Variants in GALNT17 observed in about 807,000 individuals in gnomAD.
GALNT17 encodes UDP-GalNAc:polypeptide N-acetylgalactosaminyltransferase-like 3.
In GALNT17, 29 loss-of-function variants were observed where a neutral mutation model predicts 63.7. That is an observed-to-expected ratio of 0.46 (90% CI 0.34 to 0.62). The LOEUF is 0.62. Among genes scored for constraint, GALNT17 ranks in the 20% least tolerant of loss-of-function variants. The pLI is 0.01. For missense variants in GALNT17, 603 were observed against 799.6 expected (o/e 0.75, Z 2.97); for synonymous variants, 305 against 318.3 (o/e 0.96, Z 0.45).
At chr7:71,287,164 A>C (rs1247691020) in intron 1 of GALNT17, among the ~76,000 whole-genome samples, 1 of 152,050 alleles carries the variant, frequency 6.6e-6, no homozygotes, top group Non-Finnish European at 1.5e-5. Flanking sequence ...ATCAGGCTTC[A>C]CTGCATCCTC....
intron 1 of GALNT17, among the ~76,000 whole-genome samples, chr7:71,199,231 A>G (rs1460664462): frequency 6.6e-6 from 1 of 152,124 alleles, no homozygotes; most frequent in Non-Finnish European, 1.5e-5. Flanking sequence ...TCTTTGAAAG[A>G]TCTCGCAAAT....
chr7:71,490,463 G>A (rs1267256060), intron 5 of GALNT17, among the ~76,000 whole-genome samples: 1 of 152,026 alleles, frequency 6.6e-6, no homozygotes, highest in Admixed American at 6.6e-5. Context: ...GTGCATGGTG[G>A]GGACACACAC....
intron 4 of GALNT17, among the ~76,000 whole-genome samples, chr7:71,417,223 A>C (rs531024063): frequency 2.0e-5 from 3 of 152,328 alleles, no homozygotes; most frequent in Non-Finnish European, 4.4e-5. Context: ...TTAACATTAA[A>C]ATGTCTGTTC....
intron 2 of GALNT17, among the ~76,000 whole-genome samples, chr7:71,367,598 C>T (rs60201646): frequency 0.028 from 4,301 of 152,184 alleles, 228 homozygotes; most frequent in African/African-American, 0.098. Flanking sequence ...CTGAGGCCAC[C>T]GGGAAATTGA....
At chr7:71,156,956 G>A (rs949425283) in intron 1 of GALNT17, among the ~76,000 whole-genome samples, 2 of 150,964 alleles carry the variant, frequency 1.3e-5, no homozygotes, top group Non-Finnish European at 2.9e-5. Flanking sequence ...TATTTATTTT[G>A]TTTATTTATT....
At chr7:71,190,831 G>A (rs1487674494) in intron 1 of GALNT17, among the ~76,000 whole-genome samples, 2 of 151,750 alleles carry the variant, frequency 1.3e-5, no homozygotes, top group Non-Finnish European at 1.5e-5. Context: ...AGGGTTCACC[G>A]TGTTGCCCAG....
intron 1 of GALNT17, among the ~76,000 whole-genome samples, chr7:71,266,979 A>G (rs562893722): frequency 6.6e-6 from 1 of 152,330 alleles, no homozygotes; most frequent in South Asian, 2.1e-4. Flanking sequence ...ATTAACCAGG[A>G]GAAAGTGTGC....
intron 1 of GALNT17, among the ~76,000 whole-genome samples, chr7:71,169,149 T>C (rs1284428631): frequency 6.6e-6 from 1 of 152,186 alleles, no homozygotes; most frequent in South Asian, 2.1e-4. Context: ...TCTGTGCAGC[T>C]TTCTCCTCCA....
intron 6 of GALNT17, among the ~76,000 whole-genome samples, chr7:71,654,937 T>A (rs1384952218): frequency 2.0e-5 from 3 of 152,036 alleles, no homozygotes; most frequent in African/African-American, 4.8e-5. Context: ...TACAGGCACC[T>A]GCCGCCACGC....
At chr7:71,559,147 T>C (rs1392495195) in intron 5 of GALNT17, among the ~76,000 whole-genome samples, 31 of 152,194 alleles carry the variant, frequency 2.0e-4, no homozygotes, top group Non-Finnish European at 4.6e-4. Flanking sequence ...CAGTGTTTGA[T>C]TGTTTTAAAA....
At position 71,661,681 on chromosome 7, in the gene GALNT17, C is replaced by A. The variant is rs1447559353; in HGVS notation, c.1081-3730C>A. Among the ~76,000 whole-genome samples the A allele has an allele frequency of 2.0e-5, 3 of 152,204 alleles. No homozygotes were observed. In the East Asian group the frequency reaches 5.8e-4, roughly 29 times the overall value. ...CAGCAGCAGGATTCCAGGGCAGGCA[C>A]TGACCCTGGCAGTTCACCCTGGGCT... On this transcript the variant is annotated intron_variant, in intron 6 of 10. Coordinates refer to ENST00000333538, the MANE Select transcript of GALNT17 (RefSeq NM_022479.3).
At position 71,282,713 on chromosome 7, in the gene GALNT17, A is replaced by G. The variant is rs375235332; in HGVS notation, c.239-52837A>G. On this transcript the variant is annotated intron_variant, in intron 1 of 10. Coordinates refer to ENST00000333538, the MANE Select transcript of GALNT17 (RefSeq NM_022479.3). ...TCAAGGGAGGGCTGTGGGTGGGGGGATGTCTGCTTCTATGGGGAGGGTCAG... is the reference window on the plus strand; with the variant it reads ...TCAAGGGAGGGCTGTGGGTGGGGGGGTGTCTGCTTCTATGGGGAGGGTCAG... Among the ~76,000 whole-genome samples the G allele has an allele frequency of 8.7e-3, 1,309 of 149,604 alleles. 17 individuals carry two copies. Among genetic ancestry groups the G allele is most frequent in the African/African-American group, 0.031 (1,236 of 40,462 alleles).
At chr7:71,487,038 C>T (rs1045819560) in intron 5 of GALNT17, among the ~76,000 whole-genome samples, 4 of 152,170 alleles carry the variant, frequency 2.6e-5, no homozygotes, top group African/African-American at 9.7e-5. Context: ...GTGTGGGACA[C>T]GAAGCTTCAG....
At chr7:71,350,236 G>A (rs988647410) in intron 2 of GALNT17, among the ~76,000 whole-genome samples, 3 of 152,198 alleles carry the variant, frequency 2.0e-5, no homozygotes, top group Non-Finnish European at 4.4e-5. Flanking sequence ...TAACAGATGT[G>A]TATGACACAG....
At chr7:71,642,312 T>C (rs1450861748) in intron 6 of GALNT17, among the ~76,000 whole-genome samples, 1 of 152,054 alleles carries the variant, frequency 6.6e-6, no homozygotes, top group Non-Finnish European at 1.5e-5. Context: ...TGAAATAAAA[T>C]AATGCATAAA....
chr7:71,240,670 T>TTC (rs879346427), intron 1 of GALNT17, among the ~76,000 whole-genome samples: 10,448 of 149,684 alleles, frequency 0.07, 617 homozygotes, highest in East Asian at 0.23. Flanking sequence ...CTTTTTTCTT[T>TTC]TTTTCCTTTT....
chr7:71,702,106 C>A (rs1791660065), intron 9 of GALNT17, among the ~76,000 whole-genome samples: 1 of 151,446 alleles, frequency 6.6e-6, no homozygotes, highest in Admixed American at 6.6e-5. Flanking sequence ...GAAATGGAAA[C>A]AATAGACACT....
chr7:71,357,660 A>G (rs1792312053), intron 2 of GALNT17, among the ~76,000 whole-genome samples: 1 of 152,138 alleles, frequency 6.6e-6, no homozygotes, highest in Non-Finnish European at 1.5e-5. Flanking sequence ...TAATTCTAGC[A>G]CTTTGGGAGG....
At chr7:71,136,880 C>T (rs545181985) in intron 1 of GALNT17, among the ~76,000 whole-genome samples, 16 of 151,922 alleles carry the variant, frequency 1.1e-4, no homozygotes, top group African/African-American at 2.9e-4. Context: ...TCTACTTCCC[C>T]GGCTCAAGTG....
Sources: allele counts gnomAD v4.1 joint callset (sites outside exome capture counted in the v4.1 genomes callset), GRCh38; gene constraint gnomAD v4.1.1; transcripts MANE v1.5; gene names NCBI Gene and HGNC (gene_info 2026-07-23, HGNC 2026-07-21).